CAPNS1: variants seen among roughly 807,000 people sequenced by gnomAD.
CAPNS1 encodes CANP small subunit.
A neutral mutation model predicts 39.2 loss-of-function variants in CAPNS1; 32 were observed. The observed-to-expected ratio is 0.82, with a 90% CI of 0.62 to 1.10. CAPNS1 has a LOEUF of 1.10. Ranked by LOEUF, CAPNS1 falls within the 50% of genes least tolerant of loss-of-function variation. The pLI, the probability that CAPNS1 is intolerant of heterozygous loss-of-function variation, is 0.00. For synonymous variants in CAPNS1, 153 were observed against 136.2 expected, an observed-to-expected ratio of 1.12 and a Z score of -0.86; for missense variants, 353 against 373.1, an observed-to-expected ratio of 0.95 and a Z score of 0.44.
chr19:36,148,812 CAAAA>C (rs34740376), intron 9 of CAPNS1, among the ~76,000 whole-genome samples: 2 of 144,190 alleles, frequency 1.4e-5, no homozygotes, highest in African/African-American at 2.5e-5. Context: ...GACTCTGTCT[CAAAA>C]AAAAAAAGAA....
chr19:36,147,090 C>A (rs906241575), intron 9 of CAPNS1, among the ~76,000 whole-genome samples: 9 of 152,216 alleles, frequency 5.9e-5, no homozygotes, highest in Non-Finnish European at 8.8e-5. Flanking sequence ...CAGCAATCCT[C>A]CTACCTCAGC....
At chr19:36,140,836 A>G in intron 1 of CAPNS1, 161 bp from the exon 2 acceptor site, 1 of 1,077,650 alleles carries the variant, frequency 9.3e-7, no homozygotes. Flanking sequence ...CTGATCCCCC[A>G]TACCTGCCCC....
intron 9 of CAPNS1, among the ~76,000 whole-genome samples, chr19:36,147,454 A>T (rs1252382424): frequency 6.6e-6 from 1 of 152,188 alleles, no homozygotes; most frequent in Admixed American, 6.5e-5. Context: ...GGACAGGGTC[A>T]GGTTTGGCTT....
Position 36,141,123 on chromosome 19 carries a change from G to T in CAPNS1, c.112G>T (p.Gly38Cys). The T allele has an allele frequency of 1.7e-6, 2 of 1,167,950 alleles. No individual in the cohort carries two copies. The highest frequency in any genetic ancestry group is 2.2e-6 in the Non-Finnish European group (2 of 907,698). The allele number at this position is 1,167,950 out of a possible 1,614,324, so 72.3% of individuals were successfully genotyped here. The change falls in exon 2 of 11, where the codon GGC (glycine) becomes TGC (cysteine). Residue 38 changes from glycine to cysteine, a missense_variant. By Grantham distance (159) the Gly-to-Cys change is radical. Coordinates refer to ENST00000246533, the MANE Select transcript of CAPNS1 (RefSeq NM_001749.4). ...TGGAGGCCTGATCAGCGGGGCCGGG[G>T]GCGGCGGCGGCGGCGGCGGCGGCGG... ...VLGGLISGAG[G>C]GGGGGGGGGG...
At position 36,140,992 on chromosome 19, in the gene CAPNS1, C is replaced by A; in HGVS notation, c.-15-5C>A. 6.2e-7 allele frequency: 1 copy of A among 1,600,144 alleles called. No individual in the cohort carries two copies. The highest frequency in any genetic ancestry group is 1.7e-5 in the Admixed American group (1 of 59,500). ...GCACCCACTGGTCCCCTTTTTTCCC[C>A]CCAGCAGTGAGTCGCAGCCATGTTC... On this transcript the variant is annotated splice_region_variant and splice_polypyrimidine_tract_variant and intron_variant, in intron 1 of 10. Coordinates refer to ENST00000246533, the MANE Select transcript of CAPNS1 (RefSeq NM_001749.4).
chr19:36,146,573 G>A (rs1210847415), intron 9 of CAPNS1, among the ~76,000 whole-genome samples: 3 of 152,300 alleles, frequency 2.0e-5, no homozygotes, highest in Middle Eastern at 3.4e-3. Flanking sequence ...AGCACAGGCC[G>A]AGGGTCTAGG....
In CAPNS1 at chr19:36,142,696, G is replaced by A. The variant is rs1314690541; in HGVS notation, c.288G>A (p.Glu96=). Residue 96 remains glutamate, a synonymous_variant, in exon 4 of 11, where the codon GAG becomes GAA. Coordinates refer to ENST00000246533, the MANE Select transcript of CAPNS1 (RefSeq NM_001749.4). ...CCAACATTGAGGCCAACGAGAGTGA[G>A]GAGGTCCGGCAGTTCCGGAGACTCT... ...HYSNIEANES[E]EVRQFRRLFA... is the part of the protein sequence containing the mutation. The A allele has an allele frequency of 6.2e-7, 1 of 1,614,166 alleles. No homozygotes were observed. The highest frequency in any genetic ancestry group is 8.5e-7 in the Non-Finnish European group (1 of 1,180,036).
chr19:36,145,984 C>G lies in CAPNS1; in HGVS notation c.534C>G (p.Tyr178Ter). 1 of 1,614,204 alleles carries G rather than the reference C, an allele frequency of 6.2e-7. No individual in the cohort carries two copies. The highest frequency in any genetic ancestry group is 8.5e-7 in the Non-Finnish European group (1 of 1,180,014). ...TGTCTCTGTCCTCACAGGCCATATA[C>G]AAACAGTTCGACACTGACCGATCAG... Reference protein sequence around the residue: ...WNNIKRWQAIYKQFDTDRSGT... With the variant: ...WNNIKRWQAI Residue 178 changes from tyrosine to a stop codon, truncating the protein, a stop_gained, in exon 8 of 11, where the codon TAC (tyrosine) becomes TAG (stop). Coordinates refer to ENST00000246533, the MANE Select transcript of CAPNS1 (RefSeq NM_001749.4). LOFTEE classifies it high-confidence loss of function.
At position 36,142,333 on chromosome 19, in the gene CAPNS1, G is replaced by A. The variant is rs751850033; in HGVS notation, c.243G>A (p.Pro81=). 2.7e-6 allele frequency: 4 copies of A among 1,461,394 alleles called. No individual in the cohort carries two copies. The highest frequency in any genetic ancestry group is 3.7e-6 in the Non-Finnish European group (4 of 1,092,502). 90.5% of individuals were successfully genotyped at this position (1,461,394 alleles called of 1,614,324 possible). The change falls in exon 3 of 11, where the codon CCG becomes CCA. Residue 81 remains proline (P), a splice_region_variant and synonymous_variant. Transcript: ENST00000246533. Reference sequence around the variant, plus strand: ...CTGCGCAGTACAACCCGGAGCCCCCGGTAAGCCCCCTCTGCAACCAGACCC... The same window carrying A: ...CTGCGCAGTACAACCCGGAGCCCCCAGTAAGCCCCCTCTGCAACCAGACCC... The part of the protein sequence containing the change: ...EAAAQYNPEP[P]PPRTHYSNIE...
intron 1 of CAPNS1, 196 bp from the exon 2 acceptor site, chr19:36,140,801 T>G: frequency 1.5e-6 from 1 of 662,080 alleles, no homozygotes; most frequent in South Asian, 2.1e-5. Flanking sequence ...CACGGGTGCC[T>G]TTTAGACCTG....
intron 9 of CAPNS1, among the ~76,000 whole-genome samples, chr19:36,149,069 T>C (rs924420280): frequency 6.6e-6 from 1 of 152,004 alleles, no homozygotes; most frequent in African/African-American, 2.4e-5. Flanking sequence ...TAGATGTCAG[T>C]AGGAGGCTGG....
chr19:36,149,907 A>G lies in CAPNS1; in HGVS notation c.*68A>G. ...GTCACCTGGAGCCTCGGTCTCTCCC[A>G]GGGCCGATCCTGTCTGCAGTCACAT... On this transcript the variant is annotated 3_prime_UTR_variant, in exon 11 of 11. Coordinates refer to ENST00000246533, the MANE Select transcript of CAPNS1 (RefSeq NM_001749.4). 2.2e-6 allele frequency: 3 copies of G among 1,346,794 alleles called. No homozygotes were observed. In the South Asian group the frequency reaches 6.0e-5, roughly 27 times the overall value. 83.4% of individuals were successfully genotyped at this position (1,346,794 alleles called of 1,614,324 possible).
chr19:36,142,619 C>A, intron 3 of CAPNS1, 33 bp from the exon 4 acceptor site: 1 of 1,595,008 alleles, frequency 6.3e-7, no homozygotes, highest in Non-Finnish European at 8.6e-7. Context: ...CCGGGTTCCC[C>A]TCCCCCTGCT....
chr19:36,142,832 C>A lies in CAPNS1; in HGVS notation c.334-77C>A, dbSNP rs186561390. 104 of 1,585,884 alleles carry A rather than the reference C, an allele frequency of 6.6e-5. No individual in the cohort carries two copies. The African/African-American group carries it at 8.5e-4, about 13-fold the overall frequency. On this transcript the variant is annotated intron_variant, in intron 4 of 10. Coordinates refer to ENST00000246533, the MANE Select transcript of CAPNS1 (RefSeq NM_001749.4). The stretch of plus-strand genomic sequence containing the variant: ...CACACACACCCTTGACCATGACAAT[C>A]CCAGTGTTCCCATTCTCCATGACAT...
chr19:36,142,406 A>G, intron 3 of CAPNS1, 73 bp downstream of exon 3: 1 of 771,138 alleles, frequency 1.3e-6, no homozygotes, highest in Non-Finnish European at 2.2e-6. Context: ...GTTCCTGTAG[A>G]GAAGCCCCAC....
In CAPNS1 at chr19:36,146,272, C is replaced by T. The variant is rs1435472847; in HGVS notation, c.681C>T (p.Asp227=). ...YSDESGNMDF[D]NFISCLVRLD... ...ATGAAAGTGGGAACATGGATTTTGA[C>T]AACTTCATCAGCTGCTTGGTCAGGC... Residue 227 remains aspartate (D), a synonymous_variant, in exon 9 of 11, where the codon GAC becomes GAT. Coordinates refer to ENST00000246533, the MANE Select transcript of CAPNS1 (RefSeq NM_001749.4). 9 of 1,613,828 alleles carry T rather than the reference C, an allele frequency of 5.6e-6. No individual in the cohort carries two copies. Among genetic ancestry groups the T allele is most frequent in the African/African-American group, 1.3e-5 (1 of 74,934 alleles).
rs1974342346 is a variant in CAPNS1 at position 36,141,093 on chromosome 19, G to A, written c.82G>A (p.Val28Met). 2.0e-6 allele frequency: 3 copies of A among 1,471,654 alleles called. No homozygotes were observed. In the African/African-American group the frequency reaches 4.5e-5, roughly 22 times the overall value. The allele number at this position is 1,471,654 out of a possible 1,614,324, so 91.2% of individuals were successfully genotyped here. A position where few individuals can be genotyped will look rare whatever the true frequency, so the allele number is the denominator to read the frequency against. The change falls in exon 2 of 11, where the codon GTG (valine) becomes ATG (methionine). Residue 28 changes from valine to methionine, a missense_variant. Physicochemically the swap from Val to Met is conservative, Grantham distance 21. Transcript: ENST00000246533. Reference protein sequence around the residue: ...GGGLGGGLGNVLGGLISGAGG... With the variant: ...GGGLGGGLGNMLGGLISGAGG... ...GGGCCTGGGTGGGGGCCTGGGAAAT[G>A]TGCTTGGAGGCCTGATCAGCGGGGC...
At chr19:36,143,030 C>T (rs1362982144) in intron 5 of CAPNS1, 34 bp from the exon 6 acceptor site, 1 of 1,613,518 alleles carries the variant, frequency 6.2e-7, no homozygotes, top group Non-Finnish European at 8.5e-7. Flanking sequence ...AGGATTTGAC[C>T]TCTGGCCTCT....
chr19:36,145,602 G>A, intron 6 of CAPNS1: 1 of 558,484 alleles, frequency 1.8e-6, no homozygotes, highest in Admixed American at 3.2e-5. Context: ...TGTTTAAAGA[G>A]AATCCCTATT....
Sources: gnomAD v4.1 joint callset for allele counts (sites outside exome capture counted in the v4.1 genomes callset) on GRCh38, gnomAD v4.1.1 for gene constraint, MANE v1.5 for transcripts, NCBI Gene and HGNC (gene_info 2026-07-23, HGNC 2026-07-21) for gene names.